MAST4: variants seen among roughly 807,000 people sequenced by gnomAD.
MAST4 encodes microtubule-associated serine/threonine-protein kinase 4.
In MAST4, 89 loss-of-function variants were observed where a neutral mutation model predicts 162.7. That is an observed-to-expected ratio of 0.55 (90% CI 0.46 to 0.65). The LOEUF (loss-of-function observed/expected upper bound fraction) is 0.65, where lower values mean the gene tolerates loss of function less well. Among genes scored for constraint, MAST4 ranks in the 30% least tolerant of loss-of-function variants. MAST4 has a pLI of 0.00. For missense variants in MAST4, 3,153 were observed against 3,374.0 expected (o/e 0.93, Z 1.62); for synonymous variants, 1,479 against 1,361.1 (o/e 1.09, Z -1.91).
intron 4 of MAST4, among the ~76,000 whole-genome samples, chr5:67,032,400 C>T (rs1029793396): frequency 6.6e-6 from 1 of 152,116 alleles, no homozygotes; most frequent in Non-Finnish European, 1.5e-5. Context: ...CTTATTCTTT[C>T]AAAATATTCA....
chr5:66,880,627 A>C (rs1236821017), intron 3 of MAST4, among the ~76,000 whole-genome samples: 1 of 152,164 alleles, frequency 6.6e-6, no homozygotes, highest in Admixed American at 6.5e-5. Flanking sequence ...AGTTTATTGC[A>C]ACAAAAGGAC....
intron 1 of MAST4, among the ~76,000 whole-genome samples, chr5:66,610,592 G>A (rs540795974): frequency 2.6e-4 from 40 of 152,312 alleles, no homozygotes; most frequent in African/African-American, 9.1e-4. Context: ...CTAGCTTTTT[G>A]TTAGAACACG....
In MAST4 at chr5:67,078,638, ATTTATATC is replaced by A. The variant is rs1435418458; in HGVS notation, c.764-11516_764-11509del. On this transcript the variant is annotated intron_variant, in intron 5 of 28. Transcript: ENST00000403625. The stretch of plus-strand genomic sequence containing the variant: ...TATATATTTATATATTTATATTTAT[ATTTATATC>A]TTTATATATATTTATTTTATATTTA... 1.9e-3 allele frequency among the ~76,000 whole-genome samples: 258 copies of A among 139,392 alleles called. 2 individuals carry two copies. The highest frequency in any genetic ancestry group is 6.5e-3 in the African/African-American group (241 of 36,898). 91.4% of individuals were successfully genotyped at this position (139,392 alleles called of 152,430 possible). A position where few individuals can be genotyped will look rare whatever the true frequency, so the allele number is the denominator to read the frequency against.
Position 66,638,636 on chromosome 5 carries a change from G to A in MAST4, c.363+41618G>A, listed in dbSNP as rs141260692. On this transcript the variant is annotated intron_variant, in intron 1 of 28. Transcript: ENST00000403625. ...ACCATACTTTAAATAATTTTGGGTA[G>A]CAAACAAAATTTATGGACACTGAAC... is the stretch of plus-strand genomic sequence containing the variant. 6.7e-3 allele frequency among the ~76,000 whole-genome samples: 1,023 copies of A among 152,220 alleles called. 2 individuals are homozygous for A. Among genetic ancestry groups the A allele is most frequent in the South Asian group, 0.028 (133 of 4,814 alleles).
At chr5:67,122,629 T>G (rs2150958840) in intron 14 of MAST4, among the ~76,000 whole-genome samples, 1 of 152,318 alleles carries the variant, frequency 6.6e-6, no homozygotes, top group Admixed American at 6.5e-5. Flanking sequence ...AAACTTTGAT[T>G]TAATGGGTGT....
At chr5:66,864,891 C>T (rs1384384258) in intron 3 of MAST4, among the ~76,000 whole-genome samples, 1 of 152,158 alleles carries the variant, frequency 6.6e-6, no homozygotes, top group African/African-American at 2.4e-5. Flanking sequence ...CAAACTGACA[C>T]AGATGGCTTA....
At chr5:66,626,604 A>G (rs535197013) in intron 1 of MAST4, among the ~76,000 whole-genome samples, 1 of 152,266 alleles carries the variant, frequency 6.6e-6, no homozygotes, top group Non-Finnish European at 1.5e-5. Flanking sequence ...TTGCAAATTT[A>G]TGACAGTTAA....
At chr5:66,614,979 T>A (rs1743572648) in intron 1 of MAST4, among the ~76,000 whole-genome samples, 1 of 152,206 alleles carries the variant, frequency 6.6e-6, no homozygotes, top group South Asian at 2.1e-4. Flanking sequence ...TTGTGTTGTC[T>A]TTTTCTGGTA....
chr5:66,792,039 A>G (rs962684153), intron 3 of MAST4: 3 of 153,602 alleles, frequency 2.0e-5, no homozygotes, highest in Non-Finnish European at 4.4e-5. Flanking sequence ...ATTAAAGTTG[A>G]TCTGTTTCGT....
chr5:66,748,405 T>C (rs564208585), intron 1 of MAST4, among the ~76,000 whole-genome samples: 4 of 11,238 alleles, frequency 3.6e-4, no homozygotes, highest in Non-Finnish European at 6.0e-4. Flanking sequence ...TCCTTCCTTC[T>C]TTCCTTCCTC....
chr5:66,662,308 T>C (rs988074776), intron 1 of MAST4: 2 of 152,198 alleles, frequency 1.3e-5, no homozygotes, highest in Non-Finnish European at 2.9e-5. Flanking sequence ...GTTGGCTATA[T>C]GTGAGACATA....
rs1323535664 is a variant in MAST4, at chr5:67,129,100, G to C, written c.1746-1110G>C. On this transcript the variant is annotated intron_variant, in intron 14 of 28. Transcript: ENST00000403625. ...GTATTTGGGTGAGGCTTTAGGCAGAGATTGAGTGTAGCCTGGTCTGGTTGT... is the reference window on the plus strand; with the variant it reads ...GTATTTGGGTGAGGCTTTAGGCAGACATTGAGTGTAGCCTGGTCTGGTTGT... 2.0e-5 allele frequency among the ~76,000 whole-genome samples: 3 copies of C among 152,208 alleles called. No individual in the cohort carries two copies. In the East Asian group the frequency reaches 5.8e-4, roughly 29 times the overall value.
Position 66,808,833 on chromosome 5 carries a change from G to C in MAST4, c.642+20039G>C, listed in dbSNP as rs200685054. Among the ~76,000 whole-genome samples, 30 of 152,332 alleles carry C rather than the reference G, an allele frequency of 2.0e-4. No individual in the cohort carries two copies. The East Asian group carries it at 2.5e-3, about 13-fold the overall frequency. On this transcript the variant is annotated intron_variant, in intron 3 of 28. Coordinates refer to ENST00000403625, the MANE Select transcript of MAST4 (RefSeq NM_001164664.2). ...TTTAAACAAAATCTGGAGCAGCTCA[G>C]GAGGCACCTGTGTTCTACTGGAGGC...
chr5:66,817,791 A>G (rs1231417174), intron 3 of MAST4, among the ~76,000 whole-genome samples: 1 of 152,242 alleles, frequency 6.6e-6, no homozygotes, highest in Non-Finnish European at 1.5e-5. Flanking sequence ...ATTAATGAAT[A>G]TAAATGAATG....
At chr5:66,609,261 T>A (rs960940624) in intron 1 of MAST4, among the ~76,000 whole-genome samples, 1 of 152,180 alleles carries the variant, frequency 6.6e-6, no homozygotes, top group African/African-American at 2.4e-5. Flanking sequence ...TTGTAGGATC[T>A]CCGTTTCCCT....
At chr5:67,111,850 T>G (rs1387855700) in intron 11 of MAST4, among the ~76,000 whole-genome samples, 1 of 152,158 alleles carries the variant, frequency 6.6e-6, no homozygotes, top group African/African-American at 2.4e-5. Context: ...TACAAGTAGC[T>G]TGGAAATATT....
intron 1 of MAST4, among the ~76,000 whole-genome samples, chr5:66,659,590 G>A (rs1561243923): frequency 1.3e-5 from 2 of 152,132 alleles, no homozygotes; most frequent in Non-Finnish European, 1.5e-5. Context: ...GATCCTATAA[G>A]TCATAACTTA....
intron 2 of MAST4, among the ~76,000 whole-genome samples, chr5:66,771,079 A>T (rs528719722): frequency 2.6e-4 from 39 of 152,326 alleles, no homozygotes; most frequent in African/African-American, 9.4e-4. Context: ...AGTAACTGGA[A>T]TTCTTCAACA....
intron 5 of MAST4, among the ~76,000 whole-genome samples, chr5:67,071,666 A>G (rs770359551): frequency 1.4e-4 from 22 of 152,246 alleles, no homozygotes; most frequent in Non-Finnish European, 2.5e-4. Context: ...AGACTGAGGC[A>G]GGAGAATTGC....
Sources: allele counts gnomAD v4.1 joint callset (sites outside exome capture counted in the v4.1 genomes callset), GRCh38; gene constraint gnomAD v4.1.1; transcripts MANE v1.5; gene names NCBI Gene and HGNC (gene_info 2026-07-23, HGNC 2026-07-21).